The following SNX31 variants were observed in gnomAD, a reference collection of about 807,000 sequenced individuals.
SNX31 encodes sorting nexin 31.
Under a neutral mutation model 65.4 loss-of-function variants are expected in SNX31, and 58 were observed. The observed-to-expected ratio is 0.89, with a 90% CI of 0.72 to 1.10. SNX31 has a LOEUF of 1.10. SNX31 is among the 50% of genes least tolerant of loss of function. The pLI, the probability that SNX31 is intolerant of heterozygous loss-of-function variation, is 0.00. For synonymous variants in SNX31, 181 were observed against 190.1 expected (o/e 0.95, Z 0.39); for missense variants, 523 against 529.7 (o/e 0.99, Z 0.12).
At position 100,584,094 on chromosome 8, in the gene SNX31, C is replaced by T. The variant is rs918088403; in HGVS notation, c.1170+17G>A. On this transcript the variant is annotated intron_variant, in intron 12 of 13. Transcript: ENST00000311812. ...GGGAACGTAAAGTGAAAAATAGACACAGATAAGAGCACTCACCATTTCTGT... is the reference window on the plus strand; with the variant it reads ...GGGAACGTAAAGTGAAAAATAGACATAGATAAGAGCACTCACCATTTCTGT... 1 of 1,595,978 alleles carries T rather than the reference C, an allele frequency of 6.3e-7. No individual in the cohort carries two copies. The highest frequency in any genetic ancestry group is 1.4e-5 in the African/African-American group (1 of 73,482).
chr8:100,573,879 CCTTT>C lies in SNX31; in HGVS notation c.1305_1308del (p.Ile435MetfsTer48), dbSNP rs773805331. 20 of 1,574,314 alleles carry C rather than the reference CCTTT, an allele frequency of 1.3e-5. No homozygotes were observed. Among genetic ancestry groups the C allele is most frequent in the Admixed American group, 1.9e-5 (1 of 52,680 alleles). ...GAGAGCTTTCTTCAGAGATCTTCTT[CCTTT>C]ATGTTCCCAAAAACGCAGTCATCTT... On this transcript the variant is annotated frameshift_variant, in exon 14 of 14. Coordinates refer to ENST00000311812, the MANE Select transcript of SNX31 (RefSeq NM_152628.4). LOFTEE classifies it high-confidence loss of function.
Position 100,656,880 on chromosome 8 carries a change from G to C in SNX31, c.-58+6262C>G, listed in dbSNP as rs570385731. 7.9e-5 allele frequency among the ~76,000 whole-genome samples: 12 copies of C among 152,176 alleles called. No homozygotes were observed. The East Asian group carries it at 2.1e-3, about 27-fold the overall frequency. On this transcript the variant is annotated intron_variant, in intron 1 of 5. Coordinates refer to the SNX31 transcript ENST00000520352. ...CTTAGATCCTCTCTTCATGTGTAAT[G>C]GTTGCTGCCGACAATGATTCCCAGA... is the stretch of plus-strand genomic sequence containing the variant.
At chr8:100,616,917 A>G (rs1009552413) in intron 5 of SNX31, among the ~76,000 whole-genome samples, 4 of 152,124 alleles carry the variant, frequency 2.6e-5, no homozygotes, top group African/African-American at 7.2e-5. Context: ...TTTCTCTTGT[A>G]TGTTTCTCTG....
intron 5 of SNX31, among the ~76,000 whole-genome samples, chr8:100,616,735 T>C (rs1255761358): frequency 6.6e-6 from 1 of 151,928 alleles, no homozygotes; most frequent in Non-Finnish European, 1.5e-5. Flanking sequence ...AGACTGGAGA[T>C]ACAGGAATAG....
At chr8:100,628,980 A>T (rs1027124129) in intron 4 of SNX31, among the ~76,000 whole-genome samples, 1 of 152,168 alleles carries the variant, frequency 6.6e-6, no homozygotes, top group Non-Finnish European at 1.5e-5. Flanking sequence ...AAGGTGTTTC[A>T]ATTGTCTACA....
At chr8:100,587,907 G>T (rs1055631281) in intron 11 of SNX31, among the ~76,000 whole-genome samples, 1 of 152,140 alleles carries the variant, frequency 6.6e-6, no homozygotes, top group Non-Finnish European at 1.5e-5. Flanking sequence ...GTTTGTCATT[G>T]TGCAAACAAC....
chr8:100,659,068 G>A (rs989297858), intron 1 of SNX31, among the ~76,000 whole-genome samples: 6 of 152,076 alleles, frequency 3.9e-5, no homozygotes, highest in Admixed American at 6.6e-5. Flanking sequence ...GGGGCTGGCC[G>A]GGCACAGGGG....
Position 100,573,825 on chromosome 8 carries a change from A to G in SNX31, c.*40T>C. On this transcript the variant is annotated 3_prime_UTR_variant, in exon 14 of 14. Transcript: ENST00000311812. Reference sequence around the variant, plus strand: ...ATCCCCAAGTTCTTTCACTGTCTTGAGATAGCCTCCAAGGATATTTTAAAA... The same window carrying G: ...ATCCCCAAGTTCTTTCACTGTCTTGGGATAGCCTCCAAGGATATTTTAAAA... 1 of 1,400,736 alleles carries G rather than the reference A, an allele frequency of 7.1e-7. No homozygotes were observed. Among genetic ancestry groups the G allele is most frequent in the Non-Finnish European group, 9.9e-7 (1 of 1,014,744 alleles). The allele number at this position is 1,400,736 out of a possible 1,614,324, so 86.8% of individuals were successfully genotyped here. A position where few individuals can be genotyped will look rare whatever the true frequency, so the allele number is the denominator to read the frequency against.
At chr8:100,652,681 C>T (rs1819995829), upstream of SNX31, among the ~76,000 whole-genome samples, 1 of 152,010 alleles carries the variant, frequency 6.6e-6, no homozygotes, top group African/African-American at 2.4e-5. Flanking sequence ...ATATCTGGTA[C>T]CCACACTCTT....
intron 9 of SNX31, 63 bp downstream of exon 9, chr8:100,600,286 A>T: frequency 7.1e-7 from 1 of 1,415,482 alleles, no homozygotes; most frequent in Non-Finnish European, 9.9e-7. Flanking sequence ...GAAACAGTTC[A>T]ATTCTAATAT....
intron 1 of SNX31, among the ~76,000 whole-genome samples, chr8:100,655,218 G>A (rs185287607): frequency 7.3e-4 from 111 of 152,288 alleles, no homozygotes; most frequent in Non-Finnish European, 1.4e-3. Flanking sequence ...GGGAGGGAAA[G>A]GCTTTCTGGA....
intron 2 of SNX31, among the ~76,000 whole-genome samples, chr8:100,638,074 G>A (rs545123778): frequency 6.6e-6 from 1 of 152,298 alleles, no homozygotes; most frequent in East Asian, 1.9e-4. Flanking sequence ...GGAGGCTGAG[G>A]CAGGAGGGTT....
intron 8 of SNX31, 113 bp downstream of exon 8, chr8:100,608,381 G>T (rs1816380760): frequency 1.1e-6 from 1 of 883,272 alleles, no homozygotes; most frequent in Non-Finnish European, 1.8e-6. Flanking sequence ...CTATGAATGT[G>T]CCTGTTTTAG....
chr8:100,616,876 C>A (rs1390097140), intron 5 of SNX31, among the ~76,000 whole-genome samples: 1 of 152,216 alleles, frequency 6.6e-6, no homozygotes, highest in Non-Finnish European at 1.5e-5. Flanking sequence ...TAGAAACTTT[C>A]TGACTCTTCT....
chr8:100,652,056 G>A (rs1467019955), upstream of SNX31, among the ~76,000 whole-genome samples: 4 of 152,070 alleles, frequency 2.6e-5, no homozygotes, highest in Non-Finnish European at 5.9e-5. Flanking sequence ...TCGGCTCACT[G>A]CAAGCTCCAC....
chr8:100,618,176 G>A (rs928118040), intron 4 of SNX31: 3 of 981,620 alleles, frequency 3.1e-6, no homozygotes, highest in Admixed American at 1.2e-4. Flanking sequence ...GACAAGTGCA[G>A]AGATTGGAAG....
intron 2 of SNX31, among the ~76,000 whole-genome samples, chr8:100,643,207 AAACAG>A (rs148432005): frequency 0.39 from 59,007 of 151,676 alleles, 11,908 homozygotes; most frequent in East Asian, 0.49. Context: ...AAACAAAACA[AAACAG>A]AAACAAACAA....
At position 100,625,674 on chromosome 8, in the gene SNX31, T is replaced by C. The variant is rs189735485; in HGVS notation, c.321+4653A>G. Among the ~76,000 whole-genome samples, 534 of 152,138 alleles carry C rather than the reference T, an allele frequency of 3.5e-3. 1 individual carries two copies. The highest frequency in any genetic ancestry group is 0.012 in the African/African-American group (491 of 41,482). On this transcript the variant is annotated intron_variant, in intron 4 of 13. Transcript: ENST00000311812. This position sits in a 1 kb window ranked among gnomAD's most constrained non-coding sequence, Gnocchi z 4.2. ...GTTTTCAGAAGGGCTGCCAAGTGCG[T>C]TGAAAATTGAACCTGGTCAGGAAGG...
In SNX31 at chr8:100,575,818, C is replaced by T. The variant is rs536340296; in HGVS notation, c.1227+1201G>A. On this transcript the variant is annotated intron_variant, in intron 13 of 13. Coordinates refer to ENST00000311812, the MANE Select transcript of SNX31 (RefSeq NM_152628.4). The surrounding 1 kb of genome is among the most constrained non-coding windows in gnomAD (Gnocchi z 5.1). ...TGGGGAGCTTTTAAAAATTCCATTG[C>T]CCAGGCCCCTCAGACCAATTAAATC... 1.3e-5 allele frequency among the ~76,000 whole-genome samples: 2 copies of T among 152,250 alleles called. No individual in the cohort carries two copies. Among genetic ancestry groups the T allele is most frequent in the South Asian group, 4.2e-4 (2 of 4,818 alleles).
Sources: allele counts gnomAD v4.1 joint callset (sites outside exome capture counted in the v4.1 genomes callset), GRCh38; gene constraint gnomAD v4.1.1; non-coding constraint Gnocchi (gnomAD v3.1); transcripts MANE v1.5; gene names NCBI Gene and HGNC (gene_info 2026-07-23, HGNC 2026-07-21).